The following IQSEC3 variants were observed in gnomAD, a reference collection of about 807,000 sequenced individuals.
IQSEC3 encodes the protein IQ motif and Sec7 domain ArfGEF 3, also known as IQ motif and SEC7 domain-containing protein 3.
In IQSEC3, 50 loss-of-function variants were observed where a neutral mutation model predicts 105.4. That is an observed-to-expected ratio of 0.47 (90% CI 0.38 to 0.60). The LOEUF is 0.60. IQSEC3 is among the 20% of genes least tolerant of loss of function. The probability of loss-of-function intolerance (pLI) is 0.00; values close to 1 mark genes in which losing one functional copy is unlikely to be tolerated. For synonymous variants in IQSEC3, 708 were observed against 746.0 expected (o/e 0.95, Z 0.83); for missense variants, 1,415 against 1,630.0 (o/e 0.87, Z 2.27).
chr12:120,624 C>T (rs782213018), intron 2 of IQSEC3, among the ~76,000 whole-genome samples: 1 of 152,158 alleles, frequency 6.6e-6, no homozygotes, highest in Non-Finnish European at 1.5e-5. Context: ...ACCTGAGTGA[C>T]CCTCGGATGT....
intron 1 of IQSEC3, among the ~76,000 whole-genome samples, chr12:69,597 G>T (rs1347937752): frequency 6.6e-6 from 1 of 152,256 alleles, no homozygotes; most frequent in African/African-American, 2.4e-5. Flanking sequence ...TTTTTCTCCT[G>T]CTCCCCAATC....
chr12:146,010 CTTTG>C (rs1370364682), intron 5 of IQSEC3, among the ~76,000 whole-genome samples: 2 of 152,196 alleles, frequency 1.3e-5, no homozygotes, highest in Non-Finnish European at 2.9e-5. Flanking sequence ...CTGCTCCATC[CTTTG>C]TTAAATTCCA....
Position 108,776 on chromosome 12 carries a change from G to T in IQSEC3, c.623+9562G>T, listed in dbSNP as rs565975338. Among the ~76,000 whole-genome samples, 151 of 152,348 alleles carry T rather than the reference G, an allele frequency of 9.9e-4. 1 individual carries two copies. Among genetic ancestry groups the T allele is most frequent in the Non-Finnish European group, 9.7e-4 (66 of 68,014 alleles). On this transcript the variant is annotated intron_variant, in intron 2 of 13. Transcript: ENST00000538872. ...GCTCTGGGCCAACAGCTGCTGGTTT[G>T]AAGAGCTGCCAGCCTGTGGTGCCTT...
intron 2 of IQSEC3, among the ~76,000 whole-genome samples, chr12:103,638 G>A (rs868931629): frequency 4.0e-5 from 3 of 74,284 alleles, no homozygotes; most frequent in African/African-American, 7.2e-5. Flanking sequence ...GGGGGGAGGC[G>A]GGGCTCAGGA....
intron 2 of IQSEC3, among the ~76,000 whole-genome samples, chr12:102,315 A>C (rs540422309): frequency 9.8e-5 from 15 of 152,318 alleles, no homozygotes; most frequent in African/African-American, 3.6e-4. Context: ...CCTCCATAGG[A>C]GACCCCAGTA....
intron 8 of IQSEC3, among the ~76,000 whole-genome samples, chr12:162,804 C>A (rs1310914671): frequency 6.6e-6 from 1 of 152,140 alleles, no homozygotes; most frequent in African/African-American, 2.4e-5. Context: ...GTGATCCCTT[C>A]GCTCTCGCAC....
intron 2 of IQSEC3, among the ~76,000 whole-genome samples, chr12:103,085 C>T (rs1168262669): frequency 3.9e-5 from 6 of 152,112 alleles, no homozygotes; most frequent in Non-Finnish European, 7.4e-5. Flanking sequence ...TTGCCCCTAC[C>T]GACCGCCTCC....
intron 5 of IQSEC3, among the ~76,000 whole-genome samples, chr12:153,440 G>A (rs1866576314): frequency 6.6e-6 from 1 of 152,166 alleles, no homozygotes; most frequent in Non-Finnish European, 1.5e-5. Flanking sequence ...AGTCCTGAGA[G>A]GTCACCTGGT....
At chr12:103,868 GGGA>G in intron 2 of IQSEC3, among the ~76,000 whole-genome samples, 1 of 4,102 alleles carries the variant, frequency 2.4e-4, no homozygotes. Context: ...GAGGCGGCTC[GGGA>G]GGGGAGGCGG....
At chr12:82,055 A>G (rs1390134974) in intron 1 of IQSEC3, among the ~76,000 whole-genome samples, 1 of 152,210 alleles carries the variant, frequency 6.6e-6, no homozygotes, top group Non-Finnish European at 1.5e-5. Context: ...GACTTTAGAG[A>G]CAAATCAACC....
chr12:84,451 T>C (rs1289767562), intron 1 of IQSEC3, among the ~76,000 whole-genome samples: 2 of 152,208 alleles, frequency 1.3e-5, no homozygotes, highest in Non-Finnish European at 2.9e-5. Context: ...CGGGCAGGGT[T>C]GTATGTGAGA....
chr12:78,512 A>T (rs1438107789), intron 1 of IQSEC3, among the ~76,000 whole-genome samples: 1 of 151,174 alleles, frequency 6.6e-6, no homozygotes, highest in Non-Finnish European at 1.5e-5. Flanking sequence ...CAGCAAAAAA[A>T]AAAAATAAAT....
At chr12:123,468 C>T (rs1865283239) in intron 2 of IQSEC3, among the ~76,000 whole-genome samples, 1 of 152,188 alleles carries the variant, frequency 6.6e-6, no homozygotes, top group Non-Finnish European at 1.5e-5. Flanking sequence ...TTAAAAAAGA[C>T]ATCTAGAGCT....
chr12:159,181 T>C (rs535284728), intron 7 of IQSEC3, among the ~76,000 whole-genome samples: 1 of 152,228 alleles, frequency 6.6e-6, no homozygotes, highest in African/African-American at 2.4e-5. Flanking sequence ...TCTTTCCATT[T>C]GCTTAACTCT....
At chr12:80,020 C>T (rs541809782) in intron 1 of IQSEC3, among the ~76,000 whole-genome samples, 2 of 152,188 alleles carry the variant, frequency 1.3e-5, no homozygotes, top group Admixed American at 6.5e-5. Context: ...TTTTAATAGC[C>T]GCAAAATATT....
rs527723969 is a variant in IQSEC3 at position 152,942 on chromosome 12, T to C, written c.2154-4083T>C. The stretch of plus-strand genomic sequence containing the variant: ...AGAGATGACTCCAGGCCACCCTGGG[T>C]GGAGGCTGCAGCATGGATTTGGTAA... On this transcript the variant is annotated intron_variant, in intron 5 of 13. Transcript: ENST00000538872. This position sits in a 1 kb window ranked among gnomAD's most constrained non-coding sequence, Gnocchi z 4.8. 5.3e-5 allele frequency among the ~76,000 whole-genome samples: 8 copies of C among 152,182 alleles called. No individual in the cohort carries two copies. Among genetic ancestry groups the C allele is most frequent in the Non-Finnish European group, 1.2e-4 (8 of 68,008 alleles).
intron 2 of IQSEC3, among the ~76,000 whole-genome samples, chr12:100,764 C>G (rs1471554362): frequency 1.3e-5 from 2 of 151,992 alleles, no homozygotes; most frequent in African/African-American, 4.8e-5. Context: ...CATCAGGATA[C>G]CCTCAAAAGA....
intron 3 of IQSEC3, among the ~76,000 whole-genome samples, chr12:130,295 T>C (rs537151258): frequency 1.3e-5 from 2 of 152,354 alleles, no homozygotes; most frequent in Admixed American, 6.5e-5. Flanking sequence ...TGCCATGTGT[T>C]ATCTCCCCGG....
intron 2 of IQSEC3, among the ~76,000 whole-genome samples, chr12:116,338 A>T (rs375198032): frequency 2.1e-4 from 32 of 152,280 alleles, no homozygotes; most frequent in African/African-American, 6.3e-4. Context: ...CTGCAGCCTC[A>T]TGTGCTCCCT....
Sources: gnomAD v4.1 joint callset for allele counts (sites outside exome capture counted in the v4.1 genomes callset) on GRCh38, gnomAD v4.1.1 for gene constraint, Gnocchi (gnomAD v3.1) non-coding constraint, MANE v1.5 for transcripts, NCBI Gene and HGNC (gene_info 2026-07-23, HGNC 2026-07-21) for gene names.